The following LRRC8D variants were observed in gnomAD, a reference collection of about 807,000 sequenced individuals.
The protein encoded by LRRC8D is volume-regulated anion channel subunit LRRC8D.
LRRC8D carries 20 observed loss-of-function variants against 55.8 expected under a neutral mutation model. The ratio of observed to expected loss-of-function variants is 0.36; its 90% confidence interval spans 0.25 to 0.52. The LOEUF is 0.52. LRRC8D is among the 20% of genes least tolerant of loss of function. The probability of loss-of-function intolerance (pLI) is 0.93; values close to 1 mark genes in which losing one functional copy is unlikely to be tolerated. For missense variants in LRRC8D, 651 were observed against 1,030.8 expected (o/e 0.63, Z 5.05); for synonymous variants, 352 against 377.0 (o/e 0.93, Z 0.77).
chr1:89,867,297 T>C (rs1661876109), intron 2 of LRRC8D, among the ~76,000 whole-genome samples: 10 of 152,230 alleles, frequency 6.6e-5, no homozygotes, highest in Admixed American at 6.5e-4. Context: ...TTTGACTGGC[T>C]TCTCTCATAT....
chr1:89,886,224 C>G (rs1305057651), intron 2 of LRRC8D, among the ~76,000 whole-genome samples: 1 of 152,182 alleles, frequency 6.6e-6, no homozygotes, highest in Non-Finnish European at 1.5e-5. Flanking sequence ...TTTGCCAATT[C>G]ATTTAGTCTC....
At chr1:89,910,893 G>A (rs1201125684) in intron 2 of LRRC8D, among the ~76,000 whole-genome samples, 2 of 152,268 alleles carry the variant, frequency 1.3e-5, no homozygotes, top group South Asian at 2.1e-4. Flanking sequence ...AGATTTTCCT[G>A]TAAATATGCC....
chr1:89,891,341 G>A lies in LRRC8D; in HGVS notation c.-2-41726G>A, dbSNP rs2801990. Among the ~76,000 whole-genome samples the A allele has an allele frequency of 7.5e-3, 1,137 of 152,202 alleles. 8 individuals are homozygous for A. Among genetic ancestry groups the A allele is most frequent in the African/African-American group, 0.026 (1,095 of 41,500 alleles). ...ATAAGTTATGTGTTCTTCCAAGTTC[G>A]TCATATCAAGATGCACGTGATGCTG... On this transcript the variant is annotated intron_variant, in intron 2 of 2. Coordinates refer to ENST00000337338, the MANE Select transcript of LRRC8D (RefSeq NM_001134479.2).
intron 2 of LRRC8D, among the ~76,000 whole-genome samples, chr1:89,868,031 C>T (rs1661896630): frequency 6.6e-6 from 1 of 152,014 alleles, no homozygotes; most frequent in African/African-American, 2.4e-5. Context: ...TAAATGGAGT[C>T]CTGAACTGGG....
intron 2 of LRRC8D, among the ~76,000 whole-genome samples, chr1:89,898,397 G>A (rs2100902022): frequency 6.6e-6 from 1 of 152,188 alleles, no homozygotes; most frequent in East Asian, 1.9e-4. Flanking sequence ...CCAGATATTA[G>A]ATGCTTGCCA....
intron 2 of LRRC8D, among the ~76,000 whole-genome samples, chr1:89,849,368 G>A (rs964405290): frequency 3.3e-5 from 5 of 152,054 alleles, no homozygotes; most frequent in Non-Finnish European, 7.4e-5. Flanking sequence ...TTCTTGAGGC[G>A]ATATTGACCA....
intron 2 of LRRC8D, among the ~76,000 whole-genome samples, chr1:89,858,372 G>C (rs958274173): frequency 1.3e-5 from 2 of 152,142 alleles, no homozygotes; most frequent in African/African-American, 2.4e-5. Context: ...CTAATGTGAG[G>C]CTGTTGGTCC....
chr1:89,870,189 T>C lies in LRRC8D; in HGVS notation c.-3+26407T>C, dbSNP rs144104649. Among the ~76,000 whole-genome samples, 408 of 151,312 alleles carry C rather than the reference T, an allele frequency of 2.7e-3. 7 individuals are homozygous for C. The highest frequency in any genetic ancestry group is 9.5e-3 in the African/African-American group (394 of 41,290). Reference sequence around the variant, plus strand: ...CCTTTTAGTTTTTCTAAAAAACTGATAGAGATGCCAGGTGTGGTGGCTCAC... The same window carrying C: ...CCTTTTAGTTTTTCTAAAAAACTGACAGAGATGCCAGGTGTGGTGGCTCAC... On this transcript the variant is annotated intron_variant, in intron 2 of 2. Coordinates refer to ENST00000337338, the MANE Select transcript of LRRC8D (RefSeq NM_001134479.2).
Position 89,935,553 on chromosome 1 carries a change from G to C in LRRC8D, c.2485G>C (p.Val829Leu). Reference sequence around the variant, plus strand: ...TCGGATGCTCAAGAAAAGCGGGCTTGTTGTGGAAGATCACCTTTTTGATAC... The same window carrying C: ...TCGGATGCTCAAGAAAAGCGGGCTTCTTGTGGAAGATCACCTTTTTGATAC... ...QCRMLKKSGL[V>L]VEDHLFDTLP... Residue 829 changes from valine to leucine, a missense_variant, in exon 3 of 3, where the codon GTT (valine) becomes CTT (leucine). Physicochemically the swap from Val to Leu is conservative, Grantham distance 32. This residue lies in a region of LRRC8D where 338 missense variants were observed against 479.4 expected (regional missense o/e 0.71). Transcript: ENST00000337338. 2 of 1,614,232 alleles carry C rather than the reference G, an allele frequency of 1.2e-6. No homozygotes were observed. The highest frequency in any genetic ancestry group is 1.7e-6 in the Non-Finnish European group (2 of 1,180,042).
At chr1:89,882,015 GC>G (rs1662297469) in intron 2 of LRRC8D, among the ~76,000 whole-genome samples, 1 of 152,152 alleles carries the variant, frequency 6.6e-6, no homozygotes. Context: ...GACTCCTGAG[GC>G]CCTGCTCAGC....
chr1:89,852,842 A>G (rs968993401), intron 2 of LRRC8D, among the ~76,000 whole-genome samples: 12 of 152,172 alleles, frequency 7.9e-5, no homozygotes, highest in Non-Finnish European at 1.8e-4. Flanking sequence ...CTAGGAGTGA[A>G]TGGAGCCAAG....
At chr1:89,897,108 G>T (rs545212838) in intron 2 of LRRC8D, among the ~76,000 whole-genome samples, 1 of 152,298 alleles carries the variant, frequency 6.6e-6, no homozygotes, top group East Asian at 1.9e-4. Context: ...AGGAAGAGAA[G>T]TATGCAGATG....
intron 2 of LRRC8D, among the ~76,000 whole-genome samples, chr1:89,900,281 G>A (rs946744959): frequency 4.6e-5 from 7 of 152,210 alleles, no homozygotes; most frequent in Non-Finnish European, 7.3e-5. Context: ...GTAGAGGGAC[G>A]ATGTGTTACA....
intron 1 of LRRC8D, among the ~76,000 whole-genome samples, chr1:89,830,129 CTG>C (rs1660852536): frequency 6.6e-6 from 1 of 152,152 alleles, no homozygotes; most frequent in African/African-American, 2.4e-5. Context: ...TATTCATAGG[CTG>C]TTTCATTCGT....
chr1:89,828,714 A>G (rs1426099205), intron 1 of LRRC8D, among the ~76,000 whole-genome samples: 2 of 152,182 alleles, frequency 1.3e-5, no homozygotes, highest in Admixed American at 6.5e-5. Context: ...GGGAACGCTC[A>G]TAAATATGGT....
intron 2 of LRRC8D, among the ~76,000 whole-genome samples, chr1:89,881,090 A>G (rs1384856881): frequency 1.3e-5 from 2 of 152,082 alleles, no homozygotes; most frequent in African/African-American, 2.4e-5. Context: ...GCTCTTAACT[A>G]TTCCATTATT....
At chr1:89,867,348 A>T (rs1173956190) in intron 2 of LRRC8D, among the ~76,000 whole-genome samples, 1 of 152,132 alleles carries the variant, frequency 6.6e-6, no homozygotes. Flanking sequence ...TCAGTATTTC[A>T]TTTCTTTTTA....
At chr1:89,894,314 AC>A (rs1662653018) in intron 2 of LRRC8D, among the ~76,000 whole-genome samples, 2 of 152,246 alleles carry the variant, frequency 1.3e-5, no homozygotes, top group African/African-American at 4.8e-5. Flanking sequence ...AGCAGTTCAG[AC>A]TAAGACAGCC....
chr1:89,879,152 C>T (rs1419788193), intron 2 of LRRC8D, among the ~76,000 whole-genome samples: 2 of 152,176 alleles, frequency 1.3e-5, no homozygotes, highest in Non-Finnish European at 2.9e-5. Flanking sequence ...CTCTTATCTA[C>T]AGCCGTTGAC....
Sources: allele counts gnomAD v4.1 joint callset (sites outside exome capture counted in the v4.1 genomes callset), GRCh38; gene constraint gnomAD v4.1.1; regional missense constraint gnomAD v4.1.1; transcripts MANE v1.5; gene names NCBI Gene and HGNC (gene_info 2026-07-23, HGNC 2026-07-21).